The following ZMAT4 variants were observed in gnomAD, a reference collection of about 807,000 sequenced individuals.
The protein encoded by ZMAT4 is zinc finger matrin-type protein 4.
A neutral mutation model predicts 28.7 loss-of-function variants in ZMAT4; 17 were observed. The ratio of observed to expected loss-of-function variants is 0.59; its 90% confidence interval spans 0.41 to 0.89. The LOEUF is 0.89. ZMAT4 is among the 40% of genes least tolerant of loss of function. The probability of loss-of-function intolerance (pLI) is 0.00; values close to 1 mark genes in which losing one functional copy is unlikely to be tolerated. For synonymous variants in ZMAT4, 117 were observed against 109.2 expected (o/e 1.07, Z -0.44); for missense variants, 240 against 283.8 (o/e 0.85, Z 1.11).
At chr8:40,665,468 C>A (rs994920091) in intron 5 of ZMAT4, among the ~76,000 whole-genome samples, 8 of 152,170 alleles carry the variant, frequency 5.3e-5, no homozygotes, top group Non-Finnish European at 1.0e-4. Flanking sequence ...CTTTCTAGAA[C>A]TTTGCCTCTC....
intron 3 of ZMAT4, among the ~76,000 whole-genome samples, chr8:40,697,734 C>T (rs927167181): frequency 3.4e-5 from 5 of 146,748 alleles, no homozygotes; most frequent in Non-Finnish European, 7.5e-5. Flanking sequence ...TGACCGGCCC[C>T]GGTGCAATCT....
At chr8:40,659,585 A>G (rs946958761) in intron 5 of ZMAT4, among the ~76,000 whole-genome samples, 6 of 152,172 alleles carry the variant, frequency 3.9e-5, no homozygotes, top group Non-Finnish European at 8.8e-5. Context: ...ATTAAACATA[A>G]GCTTGAACAA....
chr8:40,672,803 T>C (rs1320492291), intron 5 of ZMAT4, among the ~76,000 whole-genome samples: 1 of 152,188 alleles, frequency 6.6e-6, no homozygotes, highest in South Asian at 2.1e-4. Flanking sequence ...CCTTCAGCTA[T>C]GGAGAGATCC....
At chr8:40,749,480 A>T (rs1812371180) in intron 3 of ZMAT4, among the ~76,000 whole-genome samples, 1 of 152,204 alleles carries the variant, frequency 6.6e-6, no homozygotes, top group Non-Finnish European at 1.5e-5. Context: ...CTTTTACATG[A>T]TGCTGAATTA....
chr8:40,565,183 T>C (rs1675813531), intron 6 of ZMAT4, among the ~76,000 whole-genome samples: 1 of 152,178 alleles, frequency 6.6e-6, no homozygotes, highest in African/African-American at 2.4e-5. Context: ...CCTTACTTAA[T>C]AGCAATGAAA....
intron 1 of ZMAT4, among the ~76,000 whole-genome samples, chr8:40,831,108 C>T (rs987158131): frequency 7.2e-5 from 11 of 152,084 alleles, no homozygotes; most frequent in Admixed American, 1.3e-4. Flanking sequence ...ATAACATAGT[C>T]GGTGCATTGA....
At chr8:40,866,707 C>G (rs1281773894) in intron 1 of ZMAT4, among the ~76,000 whole-genome samples, 1 of 152,168 alleles carries the variant, frequency 6.6e-6, no homozygotes, top group Non-Finnish European at 1.5e-5. Context: ...GTTTTTGCTT[C>G]TCTCTGGTGT....
intron 5 of ZMAT4, among the ~76,000 whole-genome samples, chr8:40,641,839 A>C (rs1296558381): frequency 1.3e-5 from 2 of 152,206 alleles, no homozygotes; most frequent in Non-Finnish European, 2.9e-5. Flanking sequence ...CAAAGGATAT[A>C]AGGTTTCAGT....
intron 3 of ZMAT4, among the ~76,000 whole-genome samples, chr8:40,748,481 C>G (rs1039309316): frequency 7.2e-5 from 11 of 152,166 alleles, no homozygotes; most frequent in Admixed American, 5.9e-4. Context: ...TCCATGCACA[C>G]AGTTCAGGGC....
intron 5 of ZMAT4, among the ~76,000 whole-genome samples, chr8:40,609,952 T>G (rs1805735066): frequency 6.6e-6 from 1 of 152,244 alleles, no homozygotes; most frequent in Admixed American, 6.5e-5. Flanking sequence ...CAGCCCTTTA[T>G]TCTGTCCTGA....
intron 5 of ZMAT4, among the ~76,000 whole-genome samples, chr8:40,671,317 CT>C (rs1248925185): frequency 1.3e-5 from 2 of 152,002 alleles, no homozygotes; most frequent in African/African-American, 4.8e-5. Flanking sequence ...AATCCTATGC[CT>C]ATTTACCAAG....
intron 2 of ZMAT4, among the ~76,000 whole-genome samples, chr8:40,768,113 G>T (rs1452327557): frequency 6.6e-6 from 1 of 152,188 alleles, no homozygotes; most frequent in Non-Finnish European, 1.5e-5. Flanking sequence ...TGCCCTCAGG[G>T]TCTGGGGACA....
At chr8:40,759,249 G>A (rs1035123702) in intron 3 of ZMAT4, among the ~76,000 whole-genome samples, 6 of 133,980 alleles carry the variant, frequency 4.5e-5, no homozygotes, top group Middle Eastern at 5.4e-3. Flanking sequence ...GCCACTGCAC[G>A]CCAGCCTAGG....
chr8:40,705,381 A>T (rs545186702), intron 3 of ZMAT4, among the ~76,000 whole-genome samples: 3 of 152,258 alleles, frequency 2.0e-5, no homozygotes, highest in Non-Finnish European at 4.4e-5. Flanking sequence ...AGGTGGGAAG[A>T]TCACAGCACT....
At chr8:40,695,420 G>C (rs887324191) in intron 4 of ZMAT4, among the ~76,000 whole-genome samples, 1 of 151,496 alleles carries the variant, frequency 6.6e-6, no homozygotes, top group Non-Finnish European at 1.5e-5. Context: ...GCTGCAGAAG[G>C]GGGTATAAGC....
chr8:40,678,925 T>G (rs1468716676), intron 4 of ZMAT4, among the ~76,000 whole-genome samples: 1 of 152,212 alleles, frequency 6.6e-6, no homozygotes, highest in African/African-American at 2.4e-5. Flanking sequence ...TGCTGTCCTA[T>G]CTCCATATAA....
intron 2 of ZMAT4, among the ~76,000 whole-genome samples, chr8:40,801,351 A>AATATATATATAT (rs1554559737): frequency 3.1e-5 from 3 of 97,258 alleles, no homozygotes; most frequent in African/African-American, 1.1e-4. Flanking sequence ...TAAAAAAAAA[A>AATATATATATAT]ATATATATAT....
At chr8:40,889,379 C>G (rs1310159616) in intron 1 of ZMAT4, among the ~76,000 whole-genome samples, 1 of 152,190 alleles carries the variant, frequency 6.6e-6, no homozygotes, top group Non-Finnish European at 1.5e-5. Flanking sequence ...GCATCGCACC[C>G]AGCTTTGCTA....
chr8:40,558,294 G>A (rs1803613881), intron 6 of ZMAT4, among the ~76,000 whole-genome samples: 1 of 152,108 alleles, frequency 6.6e-6, no homozygotes, highest in Admixed American at 6.5e-5. Context: ...CTATGATCTG[G>A]ATGATATTTT....
Sources: allele counts gnomAD v4.1 joint callset (sites outside exome capture counted in the v4.1 genomes callset), GRCh38; gene constraint gnomAD v4.1.1; transcripts MANE v1.5; gene names NCBI Gene and HGNC (gene_info 2026-07-23, HGNC 2026-07-21).